Variants in SEC31A observed in about 807,000 individuals in gnomAD.
SEC31A encodes protein transport protein Sec31A.
SEC31A carries 70 observed loss-of-function variants against 151.0 expected under a neutral mutation model. The ratio of observed to expected loss-of-function variants is 0.46; its 90% CI spans 0.38 to 0.57. SEC31A has a LOEUF of 0.57. Ranked by LOEUF, SEC31A falls within the 20% of genes least tolerant of loss-of-function variation. The probability of loss-of-function intolerance (pLI) is 0.00; values close to 1 mark genes in which losing one functional copy is unlikely to be tolerated. For synonymous variants in SEC31A, 475 were observed against 505.9 expected, an observed-to-expected ratio of 0.94 and a Z score of 0.82; for missense variants, 1,330 against 1,471.2, an observed-to-expected ratio of 0.90 and a Z score of 1.57.
intron 8 of SEC31A, 68 bp from the exon 9 acceptor site, chr4:82,867,384 G>T: frequency 7.6e-7 from 1 of 1,319,732 alleles, no homozygotes; most frequent in South Asian, 1.3e-5. Context: ...CAAAACACCT[G>T]AATTAATGTG....
At chr4:82,871,486 T>C in intron 7 of SEC31A, 1 of 1,172,618 alleles carries the variant, frequency 8.5e-7, no homozygotes, top group Non-Finnish European at 1.2e-6. Context: ...ATAACTGACA[T>C]AAACATTAAG....
chr4:82,834,890 G>A (rs1293914684), intron 22 of SEC31A, among the ~76,000 whole-genome samples: 1 of 152,078 alleles, frequency 6.6e-6, no homozygotes, highest in Non-Finnish European at 1.5e-5. Context: ...CTGTCACCCA[G>A]GCTGGAGTGC....
chr4:82,849,827 T>C (rs1578222136), intron 19 of SEC31A, among the ~76,000 whole-genome samples: 1 of 152,096 alleles, frequency 6.6e-6, no homozygotes, highest in Non-Finnish European at 1.5e-5. Context: ...CTATATATGC[T>C]CTAAGTATTA....
intron 4 of SEC31A, chr4:82,877,383 CT>C (rs11297864): frequency 0.74 from 105,857 of 143,788 alleles, 39,048 homozygotes; most frequent in Admixed American, 0.79. Context: ...AACTCAAGGT[CT>C]TTTTTTTTTT....
At chr4:82,824,457 G>A (rs1724090733) in intron 25 of SEC31A, 98 bp downstream of exon 25, 12 of 1,292,188 alleles carry the variant, frequency 9.3e-6, no homozygotes, top group South Asian at 4.4e-5. Flanking sequence ...CACCTACCTC[G>A]GCCTCCCAAA....
At chr4:82,866,472 A>C (rs918824281) in intron 10 of SEC31A, among the ~76,000 whole-genome samples, 2 of 152,186 alleles carry the variant, frequency 1.3e-5, no homozygotes, top group South Asian at 2.1e-4. Context: ...CTGTCTCAAA[A>C]AAACAAACAA....
chr4:82,881,185 G>A (rs983193966), intron 2 of SEC31A, among the ~76,000 whole-genome samples: 1 of 152,008 alleles, frequency 6.6e-6, no homozygotes, highest in Non-Finnish European at 1.5e-5. Context: ...CGTGATGGGG[G>A]CTGGGCACGG....
intron 6 of SEC31A, among the ~76,000 whole-genome samples, chr4:82,874,217 G>A (rs1251199939): frequency 1.3e-5 from 2 of 151,584 alleles, no homozygotes; most frequent in Non-Finnish European, 2.9e-5. Context: ...AGAAGTGCTT[G>A]AACCCAGGAG....
intron 1 of SEC31A, among the ~76,000 whole-genome samples, chr4:82,888,371 A>AAAC (rs1560676200): frequency 8.5e-4 from 2 of 2,358 alleles, no homozygotes; most frequent in Admixed American, 6.4e-3. Context: ...AAAAAAAAAA[A>AAAC]AACACACAAA....
intron 19 of SEC31A, 54 bp from the exon 20 acceptor site, chr4:82,849,031 C>T (rs1730839923): frequency 6.8e-7 from 1 of 1,471,914 alleles, no homozygotes; most frequent in Middle Eastern, 2.1e-4. Context: ...AGGTATATGA[C>T]AGCATGTTAA....
At chr4:82,891,228 C>G, upstream of SEC31A, 1 of 1,483,520 alleles carries the variant, frequency 6.7e-7, no homozygotes, top group Non-Finnish European at 9.1e-7. Flanking sequence ...CGCAGCCACG[C>G]CCTGCGCCCA....
chr4:82,888,377 A>G (rs1370667547), intron 1 of SEC31A, among the ~76,000 whole-genome samples: 52 of 15,576 alleles, frequency 3.3e-3, no homozygotes, highest in African/African-American at 0.03. Context: ...AAAAAAACAC[A>G]CAAAAAACAT....
At chr4:82,819,767 A>AT (rs70943155) in intron 26 of SEC31A, among the ~76,000 whole-genome samples, 27,033 of 147,396 alleles carry the variant, frequency 0.18, 2,747 homozygotes, top group South Asian at 0.34. Context: ...CTTTATTTGG[A>AT]TTTTTTTTTT....
intron 3 of SEC31A, among the ~76,000 whole-genome samples, chr4:82,879,484 G>T (rs537105364): frequency 1.3e-5 from 2 of 152,036 alleles, no homozygotes; most frequent in East Asian, 3.9e-4. Flanking sequence ...GTAGAAAAAT[G>T]ACATCAAGAT....
intron 1 of SEC31A, among the ~76,000 whole-genome samples, chr4:82,888,286 G>C (rs1475815932): frequency 7.5e-6 from 1 of 132,482 alleles, no homozygotes; most frequent in Non-Finnish European, 1.5e-5. Flanking sequence ...CGAGGCAGAA[G>C]AATCGCTTGA....
chr4:82,829,676 G>A (rs549279439), intron 22 of SEC31A, among the ~76,000 whole-genome samples: 11 of 151,772 alleles, frequency 7.2e-5, no homozygotes, highest in Admixed American at 1.3e-4. Flanking sequence ...TTTTAATGCC[G>A]TAAAAAAAAA....
chr4:82,891,334 T>C (rs1719732856), upstream of SEC31A: 1 of 721,066 alleles, frequency 1.4e-6, no homozygotes, highest in African/African-American at 1.8e-5. Context: ...GGGGTACGGC[T>C]CCGCTGGTTG....
chr4:82,862,531 T>G lies in SEC31A; in HGVS notation c.1548+3A>C, dbSNP rs1295243789. ...AGGTAGCTATTTTTAAAGGCCTTCT[T>G]ACCACATTGGCTCCATCCACTTTGT... On this transcript the variant is annotated splice_donor_region_variant and intron_variant, in intron 13 of 26. Transcript: ENST00000395310. 10 of 1,613,062 alleles carry G rather than the reference T, an allele frequency of 6.2e-6. No homozygotes were observed. The highest frequency in any genetic ancestry group is 8.5e-6 in the Non-Finnish European group (10 of 1,179,136).
intron 3 of SEC31A, among the ~76,000 whole-genome samples, chr4:82,896,674 G>C (rs1010632429): frequency 1.3e-5 from 2 of 152,176 alleles, no homozygotes; most frequent in Non-Finnish European, 2.9e-5. Flanking sequence ...TGGAACTAGA[G>C]TATGGCTAGA....
Sources: allele counts gnomAD v4.1 joint callset (sites outside exome capture counted in the v4.1 genomes callset), GRCh38; gene constraint gnomAD v4.1.1; transcripts MANE v1.5; gene names NCBI Gene and HGNC (gene_info 2026-07-23, HGNC 2026-07-21).